DSC3: variants seen among roughly 807,000 people sequenced by gnomAD.
DSC3 encodes desmocollin-3.
A neutral mutation model predicts 89.5 loss-of-function variants in DSC3; 97 were observed. The ratio of observed to expected loss-of-function variants is 1.08; its 90% CI spans 0.92 to 1.28. DSC3 has a LOEUF of 1.28. Ranked by LOEUF, DSC3 falls within the 50% of genes most tolerant of loss-of-function variation. The pLI is 0.00. For synonymous variants in DSC3, 436 were observed against 384.1 expected (o/e 1.14, Z -1.58); for missense variants, 1,199 against 1,085.3 (o/e 1.10, Z -1.47).
chr18:31,002,422 C>T (rs1984692963), intron 13 of DSC3, among the ~76,000 whole-genome samples: 3 of 152,006 alleles, frequency 2.0e-5, no homozygotes, highest in South Asian at 2.1e-4. Context: ...AAATTACAGC[C>T]GGGTGCAGTG....
chr18:31,022,217 T>C, intron 7 of DSC3, 119 bp downstream of exon 7: 1 of 1,231,962 alleles, frequency 8.1e-7, no homozygotes, highest in Non-Finnish European at 1.1e-6. Flanking sequence ...TAGGAATTCT[T>C]ATTGTCTTAT....
chr18:31,031,784 G>T (rs946926673), intron 2 of DSC3, among the ~76,000 whole-genome samples: 64 of 152,222 alleles, frequency 4.2e-4, no homozygotes, highest in African/African-American at 1.4e-3. Flanking sequence ...CTGGCCTCTA[G>T]TAACAGGTAA....
At chr18:31,019,731 CAG>C (rs1985357442) in intron 7 of DSC3, among the ~76,000 whole-genome samples, 1 of 143,444 alleles carries the variant, frequency 7.0e-6, no homozygotes, top group African/African-American at 2.6e-5. Context: ...TTTGAGGTAA[CAG>C]TGAGTTATGA....
chr18:31,003,926 C>A (rs535621901), intron 13 of DSC3, among the ~76,000 whole-genome samples: 1 of 152,236 alleles, frequency 6.6e-6, no homozygotes, highest in African/African-American at 2.4e-5. Flanking sequence ...AAGGAATTTT[C>A]AACAATTCTG....
At chr18:31,015,101 C>T (rs1403338798) in intron 9 of DSC3, among the ~76,000 whole-genome samples, 1 of 151,994 alleles carries the variant, frequency 6.6e-6, no homozygotes, top group South Asian at 2.1e-4. Context: ...AAAAGTATTT[C>T]CTTCATGTAG....
In DSC3 at chr18:31,008,004, C is replaced by CA. The variant is rs766321932; in HGVS notation, c.1663+11_1663+12insT. 1.9e-6 allele frequency: 3 copies of CA among 1,598,672 alleles called. No individual in the cohort carries two copies. Among genetic ancestry groups the CA allele is most frequent in the Non-Finnish European group, 2.6e-6 (3 of 1,168,334 alleles). The stretch of plus-strand genomic sequence containing the variant: ...TCCTTTATAGAATACCAGATTAAAA[C>CA]TTTTTTTTTACCTTTGTCTATTGCC... On this transcript the variant is annotated intron_variant, in intron 11 of 15. Transcript: ENST00000360428.
rs145244325 is a variant in DSC3 at position 31,007,083 on chromosome 18, T to A, written c.1712A>T (p.Asn571Ile). Residue 571 changes from asparagine to isoleucine, a missense_variant, in exon 12 of 16, where the codon AAT (asparagine) becomes ATT (isoleucine). By Grantham distance (149) the Asn-to-Ile change is moderately radical. Coordinates refer to ENST00000360428, the MANE Select transcript of DSC3 (RefSeq NM_001941.5). ...GTLAVNIEDVNDNPPEILQEY... is the reference protein window; with the variant it reads ...GTLAVNIEDVIDNPPEILQEY... ...TTGAAGTATTTCTGGTGGATTATCA[T>A]TTACATCTTCAATGTTCACAGCAAG... 1 of 1,613,836 alleles carries A rather than the reference T, an allele frequency of 6.2e-7. No homozygotes were observed. The highest frequency in any genetic ancestry group is 1.3e-5 in the African/African-American group (1 of 74,920).
chr18:31,025,679 A>G (rs1228275696), intron 5 of DSC3, 81 bp downstream of exon 5: 1 of 1,404,098 alleles, frequency 7.1e-7, no homozygotes, highest in Non-Finnish European at 1.0e-6. Flanking sequence ...ATGCAAGGAG[A>G]GAGGAAAGAG....
rs533389482 is a variant in DSC3 at position 31,042,396 on chromosome 18, C to A, written c.69+196G>T. Among the ~76,000 whole-genome samples the A allele has an allele frequency of 2.6e-5, 4 of 152,340 alleles. No homozygotes were observed. The East Asian group carries it at 7.7e-4, about 29-fold the overall frequency. On this transcript the variant is annotated intron_variant, in intron 1 of 15. Transcript: ENST00000360428. ...CTTGTCTCAAAACAAAAAGCTCAGT[C>A]CAGAGTCGACCCGCAAACACACGTT...
chr18:30,994,535 A>G (rs779901427), intron 15 of DSC3, 163 bp from the exon 16 acceptor site: 1 of 1,502,900 alleles, frequency 6.7e-7, no homozygotes, highest in Non-Finnish European at 9.1e-7. Flanking sequence ...CTATATCACA[A>G]CCATACCATA....
At chr18:31,027,233 A>C (rs972021141) in intron 4 of DSC3, among the ~76,000 whole-genome samples, 7 of 152,086 alleles carry the variant, frequency 4.6e-5, no homozygotes, top group Non-Finnish European at 1.0e-4. Flanking sequence ...AAAACCTCCA[A>C]ATTTTGCAGA....
chr18:31,011,931 GAA>G (rs369310412), intron 9 of DSC3, among the ~76,000 whole-genome samples: 4 of 28,400 alleles, frequency 1.4e-4, no homozygotes, highest in African/African-American at 2.6e-4. Flanking sequence ...CCAAAAAAAA[GAA>G]AAAAAAAAAA....
chr18:31,002,712 A>G (rs1340907785), intron 13 of DSC3, among the ~76,000 whole-genome samples: 13 of 151,366 alleles, frequency 8.6e-5, no homozygotes, highest in African/African-American at 1.7e-4. Flanking sequence ...AAAAAAAAAA[A>G]AAAGAAAGAA....
At chr18:30,996,031 G>A (rs1005291249) in intron 15 of DSC3, among the ~76,000 whole-genome samples, 1 of 146,366 alleles carries the variant, frequency 6.8e-6, no homozygotes, top group Non-Finnish European at 1.5e-5. Context: ...TGCTTCATAG[G>A]TGATTTTGGT....
chr18:31,029,465 T>G lies in DSC3; in HGVS notation c.474+44A>C, dbSNP rs1338004023. 8.1e-6 allele frequency: 13 copies of G among 1,610,978 alleles called. No homozygotes were observed. The African/African-American group carries it at 1.5e-4, about 18-fold the overall frequency. On this transcript the variant is annotated intron_variant, in intron 4 of 15. Transcript: ENST00000360428. ...GGTATTAAATCTCAATGAAACAGAC[T>G]CTTAGAATTAAAGCAACCCTGACCA...
chr18:31,041,002 TA>T (rs869293863), intron 1 of DSC3, among the ~76,000 whole-genome samples: 80 of 88,066 alleles, frequency 9.1e-4, no homozygotes, highest in Middle Eastern at 0.011. Context: ...GGAATTATTT[TA>T]AAAAAAAAAA....
At chr18:31,014,799 A>T (rs946670219) in intron 9 of DSC3, among the ~76,000 whole-genome samples, 2 of 152,148 alleles carry the variant, frequency 1.3e-5, no homozygotes, top group Non-Finnish European at 2.9e-5. Context: ...TATGGCATGC[A>T]GTAATGGAAA....
At chr18:31,012,850 A>G (rs1184378400) in intron 9 of DSC3, among the ~76,000 whole-genome samples, 1 of 152,162 alleles carries the variant, frequency 6.6e-6, no homozygotes, top group Non-Finnish European at 1.5e-5. Context: ...ATTAGACAAA[A>G]CAGCTGAAAA....
In DSC3 at chr18:31,001,089, G is replaced by GTATATATATATATATATA. The variant is rs67608580; in HGVS notation, c.2235+511_2235+528dup. 1.3e-4 allele frequency among the ~76,000 whole-genome samples: 16 copies of GTATATATATATATATATA among 126,042 alleles called. No individual in the cohort carries two copies. The East Asian group carries it at 1.5e-3, about 12-fold the overall frequency. The allele number at this position is 126,042 out of a possible 152,430, so 82.7% of individuals were successfully genotyped here. On this transcript the variant is annotated intron_variant, in intron 14 of 15. Transcript: ENST00000360428. ...GTGTTTATATATACTTTGTGTGTGTGTATATATATATATATATATATATAC... is the reference window on the plus strand; with the variant it reads ...GTGTTTATATATACTTTGTGTGTGTGTATATATATATATATATATATATATATATATATATATATATAC...
Sources: allele counts gnomAD v4.1 joint callset (sites outside exome capture counted in the v4.1 genomes callset), GRCh38; gene constraint gnomAD v4.1.1; transcripts MANE v1.5; gene names NCBI Gene and HGNC (gene_info 2026-07-23, HGNC 2026-07-21).